The following LRRTM3 variants were observed in gnomAD, a reference collection of about 807,000 sequenced individuals.
LRRTM3 encodes the protein leucine rich repeat transmembrane neuronal 3.
In LRRTM3, 24 loss-of-function variants were observed where a neutral mutation model predicts 44.7. That is an observed-to-expected ratio of 0.54 (90% CI 0.39 to 0.76). The LOEUF is 0.76. Ranked by LOEUF, LRRTM3 falls within the 30% of genes least tolerant of loss-of-function variation. The probability of loss-of-function intolerance (pLI) is 0.00; values close to 1 mark genes in which losing one functional copy is unlikely to be tolerated. For missense variants in LRRTM3, 587 were observed against 702.2 expected (o/e 0.84, Z 1.85); for synonymous variants, 277 against 278.7 (o/e 0.99, Z 0.06).
In LRRTM3 at chr10:67,098,373, G is replaced by C. The variant is rs1564889295; in HGVS notation, c.*577G>C. The stretch of plus-strand genomic sequence containing the variant: ...TTACTGCGTAGAATTTTATCTACTT[G>C]TTCCAGAAATAATACATTAACCAAA... On this transcript the variant is annotated 3_prime_UTR_variant, in exon 3 of 3. Coordinates refer to ENST00000361320, the MANE Select transcript of LRRTM3 (RefSeq NM_178011.5). 1 of 152,054 alleles carries C rather than the reference G, an allele frequency of 6.6e-6. No homozygotes were observed. The highest frequency in any genetic ancestry group is 1.5e-5 in the Non-Finnish European group (1 of 67,878). The allele number at this position is 152,054 out of a possible 1,614,324, so 9.4% of individuals were successfully genotyped here.
At chr10:66,974,268 G>C (rs564363331) in intron 2 of LRRTM3, among the ~76,000 whole-genome samples, 1 of 152,288 alleles carries the variant, frequency 6.6e-6, no homozygotes, top group East Asian at 1.9e-4. Context: ...TGGTGACATA[G>C]GCTGGAGAAT....
chr10:66,995,583 TTA>T (rs1851282339), intron 2 of LRRTM3, among the ~76,000 whole-genome samples: 1 of 152,202 alleles, frequency 6.6e-6, no homozygotes, highest in African/African-American at 2.4e-5. Context: ...TTACAAATCC[TTA>T]ACATTATTCC....
chr10:66,978,545 A>ATAAAAATAAAAAAAAT (rs1213465920), intron 2 of LRRTM3, among the ~76,000 whole-genome samples: 3 of 114,224 alleles, frequency 2.6e-5, no homozygotes, highest in African/African-American at 6.3e-5. Flanking sequence ...AAAAAAAAAA[A>ATAAAAATAAAAAAAAT]AAAAAAAATA....
At chr10:67,031,008 A>T (rs902297191) in intron 2 of LRRTM3, among the ~76,000 whole-genome samples, 6 of 152,128 alleles carry the variant, frequency 3.9e-5, no homozygotes, top group African/African-American at 9.7e-5. Context: ...CCGTCTCAAA[A>T]AAATAAATAA....
Position 66,927,939 on chromosome 10 carries a change from C to A in LRRTM3, c.1023C>A (p.Ala341=), listed in dbSNP as rs761368920. The change falls in exon 2 of 3, where the codon GCC becomes GCA. Residue 341 remains alanine, a synonymous_variant. Coordinates refer to ENST00000361320, the MANE Select transcript of LRRTM3 (RefSeq NM_178011.5). This position sits in a 1 kb window ranked among gnomAD's most constrained non-coding sequence, Gnocchi z 4.7. ...TAAGGGAGAATACAATTATCTGTGC[C>A]AGTCCCAAAGAGCTGCAAGGAGTAA... ...KGLRENTIIC[A]SPKELQGVNV... is the part of the protein sequence containing the mutation. 7 of 1,614,074 alleles carry A rather than the reference C, an allele frequency of 4.3e-6. No homozygotes were observed. Among genetic ancestry groups the A allele is most frequent in the Non-Finnish European group, 5.9e-6 (7 of 1,180,048 alleles).
chr10:66,941,691 C>G lies in LRRTM3; in HGVS notation c.1536+13239C>G, dbSNP rs892396222. ...GCATGGGAGGAGGGGATGCTAACAG[C>G]TGCAGCCTTGACCGCACTGCCCGTG... On this transcript the variant is annotated intron_variant, in intron 2 of 2. Transcript: ENST00000361320. 2.0e-5 allele frequency among the ~76,000 whole-genome samples: 3 copies of G among 152,200 alleles called. No individual in the cohort carries two copies. In the East Asian group the frequency reaches 5.8e-4, roughly 29 times the overall value.
intron 2 of LRRTM3, among the ~76,000 whole-genome samples, chr10:67,071,837 AC>A (rs1664838475): frequency 6.6e-6 from 1 of 152,158 alleles, no homozygotes; most frequent in Admixed American, 6.5e-5. Flanking sequence ...TTTTCAGTTC[AC>A]TAAACTTGTA....
intron 2 of LRRTM3, among the ~76,000 whole-genome samples, chr10:67,058,411 C>T (rs1855566788): frequency 6.6e-6 from 1 of 152,172 alleles, no homozygotes; most frequent in Non-Finnish European, 1.5e-5. Flanking sequence ...ACCACAGGTA[C>T]AATTTCTGGC....
At chr10:66,976,289 C>A (rs1414925332) in intron 2 of LRRTM3, among the ~76,000 whole-genome samples, 2 of 152,104 alleles carry the variant, frequency 1.3e-5, no homozygotes, top group African/African-American at 2.4e-5. Context: ...AGGGACGATA[C>A]CCCTGTAAAA....
At position 66,926,968 on chromosome 10, in the gene LRRTM3, ATAGCC is replaced by A. The variant is rs1847118084; in HGVS notation, c.53_57del (p.Ile18ThrfsTer17). 1.2e-6 allele frequency: 2 copies of A among 1,613,836 alleles called. No homozygotes were observed. Among genetic ancestry groups the A allele is most frequent in the Non-Finnish European group, 1.7e-6 (2 of 1,179,946 alleles). ...GAGCGGATCAGCTGTAGCACTGGTT[ATAGCC>A]CCCACTGTCTTACTGACAATGCTTT... On this transcript the variant is annotated frameshift_variant, in exon 2 of 3. Transcript: ENST00000361320. LOFTEE classifies it high-confidence loss of function.
intron 2 of LRRTM3, among the ~76,000 whole-genome samples, chr10:67,035,747 A>G (rs778082769): frequency 2.1e-4 from 32 of 152,278 alleles, no homozygotes; most frequent in Non-Finnish European, 3.5e-4. Flanking sequence ...AAATGCTTTC[A>G]CTGTATTGAG....
chr10:67,043,651 C>G (rs1225158108), intron 2 of LRRTM3, among the ~76,000 whole-genome samples: 1 of 152,038 alleles, frequency 6.6e-6, no homozygotes, highest in Non-Finnish European at 1.5e-5. Context: ...CAGTTAACAC[C>G]AATTCTTGCA....
At chr10:66,999,284 T>C (rs1348922632) in intron 2 of LRRTM3, among the ~76,000 whole-genome samples, 4 of 152,140 alleles carry the variant, frequency 2.6e-5, no homozygotes, top group Non-Finnish European at 5.9e-5. Context: ...GTAAATCAAT[T>C]AATTAAAAAT....
chr10:66,930,184 ATAGT>A (rs559891282), intron 2 of LRRTM3, among the ~76,000 whole-genome samples: 678 of 152,350 alleles, frequency 4.5e-3, no homozygotes, highest in African/African-American at 8.8e-3. Context: ...AGAAAAAGAA[ATAGT>A]TAAAGTGGAT....
chr10:67,069,460 G>A (rs2131842502), intron 2 of LRRTM3, among the ~76,000 whole-genome samples: 1 of 152,076 alleles, frequency 6.6e-6, no homozygotes, highest in Middle Eastern at 3.4e-3. Flanking sequence ...TATATTATAT[G>A]TATACATATC....
chr10:66,928,901 T>G (rs1181398440), intron 2 of LRRTM3, among the ~76,000 whole-genome samples: 1 of 152,158 alleles, frequency 6.6e-6, no homozygotes, highest in Non-Finnish European at 1.5e-5. Flanking sequence ...TTGAGCTGAT[T>G]CTTGGAGATG....
intron 1 of LRRTM3, 64 bp downstream of exon 1, chr10:66,926,651 G>A: frequency 1.3e-6 from 2 of 1,556,952 alleles, no homozygotes; most frequent in South Asian, 1.1e-5. Context: ...TCTAGTGTGT[G>A]TAATAATTCT....
intron 2 of LRRTM3, among the ~76,000 whole-genome samples, chr10:67,075,234 GA>G (rs746154325): frequency 1.3e-5 from 2 of 151,072 alleles, no homozygotes; most frequent in Non-Finnish European, 2.9e-5. Context: ...CAATTTTAAA[GA>G]AAAATATAAT....
Position 66,928,129 on chromosome 10 carries a change from G to C in LRRTM3, c.1213G>C (p.Gly405Arg). The C allele has an allele frequency of 6.2e-7, 1 of 1,613,900 alleles. No homozygotes were observed. Among genetic ancestry groups the C allele is most frequent in the Non-Finnish European group, 8.5e-7 (1 of 1,179,994 alleles). The change falls in exon 2 of 3, where the codon GGC (glycine) becomes CGC (arginine). Residue 405 changes from glycine to arginine, a missense_variant. By Grantham distance (125) the Gly-to-Arg change is moderately radical. Around this residue, in one of 3 missense-constraint regions of LRRTM3, gnomAD observed 315 missense variants for 335.6 expected, o/e 0.94. Transcript: ENST00000361320. ...CCCGACGGTGGGAGCCACAGAGCCC[G>C]GCCCAGAGACCGATGCTGACGCCGA... ...LPPTVGATEPGPETDADAEHI... is the reference protein window; with the variant it reads ...LPPTVGATEPRPETDADAEHI...
Sources: allele counts gnomAD v4.1 joint callset (sites outside exome capture counted in the v4.1 genomes callset), GRCh38; gene constraint gnomAD v4.1.1; regional missense constraint gnomAD v4.1.1; non-coding constraint Gnocchi (gnomAD v3.1); transcripts MANE v1.5; gene names NCBI Gene and HGNC (gene_info 2026-07-23, HGNC 2026-07-21).